Variants in IQSEC1 observed in about 807,000 individuals in gnomAD.
IQSEC1 encodes the protein IQ motif and Sec7 domain ArfGEF 1.
A neutral mutation model predicts 91.0 loss-of-function variants in IQSEC1; 31 were observed. The observed-to-expected ratio is 0.34, with a 90% CI of 0.26 to 0.46. IQSEC1 has a LOEUF of 0.46. Among genes scored for constraint, IQSEC1 ranks in the 20% least tolerant of loss-of-function variants. The probability of loss-of-function intolerance (pLI) is 1.00; values close to 1 mark genes in which losing one functional copy is unlikely to be tolerated. For missense variants in IQSEC1, 1,388 were observed against 1,575.6 expected (o/e 0.88, Z 2.02); for synonymous variants, 699 against 662.6 (o/e 1.05, Z -0.84).
At chr3:13,238,743 C>T (rs1215089805) in intron 1 of IQSEC1, among the ~76,000 whole-genome samples, 1 of 152,150 alleles carries the variant, frequency 6.6e-6, no homozygotes, top group Non-Finnish European at 1.5e-5. Flanking sequence ...GCCTCAGTTT[C>T]CCCATGTCCT....
chr3:12,990,526 A>G (rs1362025838), intron 1 of IQSEC1, among the ~76,000 whole-genome samples: 1 of 152,216 alleles, frequency 6.6e-6, no homozygotes, highest in East Asian at 1.9e-4. Context: ...GACAGCAGGT[A>G]AGGCCCAAGC....
intron 1 of IQSEC1, among the ~76,000 whole-genome samples, chr3:13,060,567 G>A (rs553905916): frequency 9.2e-4 from 140 of 152,354 alleles, no homozygotes; most frequent in African/African-American, 3.1e-3. Context: ...CATGCTGTCT[G>A]GACCTGGGCT....
rs928150248 is a variant in IQSEC1, at chr3:12,909,255, A to T, written c.2578+18T>A. 6.2e-7 allele frequency: 1 copy of T among 1,612,690 alleles called. No homozygotes were observed. The stretch of plus-strand genomic sequence containing the variant: ...TCTGGCAAGTCTCGGCCTTCTGTCC[A>T]TGAGGCCTGGTACTCACACTCTATC... On this transcript the variant is annotated intron_variant, in intron 11 of 13. Coordinates refer to ENST00000613206, the MANE Select transcript of IQSEC1 (RefSeq NM_001134382.3). The surrounding 1 kb of genome is among the most constrained non-coding windows in gnomAD (Gnocchi z 4.9).
chr3:13,149,133 A>C (rs983464594), intron 2 of IQSEC1, among the ~76,000 whole-genome samples: 4 of 152,176 alleles, frequency 2.6e-5, no homozygotes, highest in South Asian at 2.1e-4. Context: ...CAGGGTTAGC[A>C]CTGACAGCTG....
chr3:12,950,297 G>A (rs1699455384), intron 1 of IQSEC1, among the ~76,000 whole-genome samples: 1 of 152,228 alleles, frequency 6.6e-6, no homozygotes, highest in African/African-American at 2.4e-5. Context: ...GTCCCCAAGA[G>A]TTAGCCTGGC....
chr3:13,159,968 G>A (rs1403670150), intron 2 of IQSEC1, among the ~76,000 whole-genome samples: 2 of 152,078 alleles, frequency 1.3e-5, no homozygotes, highest in African/African-American at 4.8e-5. Flanking sequence ...TCACATTTGA[G>A]GGCCTCCAGA....
intron 1 of IQSEC1, among the ~76,000 whole-genome samples, chr3:13,039,635 A>G (rs1295408725): frequency 6.6e-6 from 1 of 152,196 alleles, no homozygotes; most frequent in African/African-American, 2.4e-5. Flanking sequence ...CACAAGGGCC[A>G]TGAGAGGTGA....
At chr3:13,140,766 T>C (rs952985545) in intron 2 of IQSEC1, among the ~76,000 whole-genome samples, 14 of 152,160 alleles carry the variant, frequency 9.2e-5, no homozygotes, top group East Asian at 3.9e-4. Context: ...CTGGGGGTGC[T>C]GTCTCCCCTG....
chr3:13,102,975 G>A (rs946126622), intron 2 of IQSEC1, among the ~76,000 whole-genome samples: 3 of 152,100 alleles, frequency 2.0e-5, no homozygotes, highest in East Asian at 1.9e-4. Context: ...GCTCAGCCCC[G>A]TCAGAGGTGG....
intron 1 of IQSEC1, among the ~76,000 whole-genome samples, chr3:13,049,583 C>T (rs1384410507): frequency 6.6e-6 from 1 of 152,186 alleles, no homozygotes; most frequent in Non-Finnish European, 1.5e-5. Context: ...CCTCCTTATC[C>T]AGACGCAAAC....
intron 2 of IQSEC1, among the ~76,000 whole-genome samples, chr3:13,135,578 C>G (rs2124926542): frequency 6.6e-6 from 1 of 152,244 alleles, no homozygotes; most frequent in East Asian, 1.9e-4. Flanking sequence ...ACAGGGCTCT[C>G]CCAGTTCCAG....
intron 2 of IQSEC1, among the ~76,000 whole-genome samples, chr3:13,162,904 C>G (rs980584517): frequency 2.0e-5 from 3 of 152,116 alleles, no homozygotes; most frequent in East Asian, 3.9e-4. Context: ...GGGCATCCCC[C>G]CCTTATCCCT....
At position 12,900,148 on chromosome 3, in the gene IQSEC1, T is replaced by C; in HGVS notation, c.*835A>G. ...AGCATTATAATACTATTTATGATAG[T>C]ATTCTGTTAATAAAATAAGGATTTA... is the stretch of plus-strand genomic sequence containing the variant. On this transcript the variant is annotated 3_prime_UTR_variant, in exon 14 of 14. Coordinates refer to ENST00000613206, the MANE Select transcript of IQSEC1 (RefSeq NM_001134382.3). 1 of 972,082 alleles carries C rather than the reference T, an allele frequency of 1.0e-6. No homozygotes were observed. 60.2% of individuals were successfully genotyped at this position (972,082 alleles called of 1,614,324 possible).
chr3:13,118,172 A>T (rs1303762476), intron 2 of IQSEC1, among the ~76,000 whole-genome samples: 1 of 152,212 alleles, frequency 6.6e-6, no homozygotes, highest in African/African-American at 2.4e-5. Context: ...TGGTCTGATC[A>T]CCAGGAATTA....
chr3:13,012,926 C>T (rs964487955), intron 1 of IQSEC1, among the ~76,000 whole-genome samples: 6 of 145,380 alleles, frequency 4.1e-5, no homozygotes, highest in East Asian at 2.0e-4. Flanking sequence ...CACATAGCTA[C>T]GAAAGCAGTG....
Position 13,065,016 on chromosome 3 carries a change from T to C in IQSEC1, c.23+7976A>G, listed in dbSNP as rs372319244. 3.6e-4 allele frequency among the ~76,000 whole-genome samples: 55 copies of C among 152,310 alleles called. 2 individuals carry two copies. The South Asian group carries it at 7.9e-3, about 22-fold the overall frequency. ...ATGTGTGGGGGTGTTCATCTTGGAA[T>C]GTTCAGGCCCAGTCCCACCAGCCTC... On this transcript the variant is annotated intron_variant, in intron 1 of 13. Coordinates refer to ENST00000613206, the MANE Select transcript of IQSEC1 (RefSeq NM_001134382.3).
In IQSEC1 at chr3:13,015,463, T is replaced by G. The variant is rs937990200; in HGVS notation, c.23+57529A>C. ...CAGCTCTGAGAAACAGTGAAAACTC[T>G]GACGACAGCCCCCAAGACCCTCACC... On this transcript the variant is annotated intron_variant, in intron 1 of 13. Coordinates refer to ENST00000613206, the MANE Select transcript of IQSEC1 (RefSeq NM_001134382.3). The G allele has an allele frequency of 6.3e-6, 4 of 630,628 alleles. No individual in the cohort carries two copies. The African/African-American group carries it at 8.0e-5, about 13-fold the overall frequency. The allele number at this position is 630,628 out of a possible 1,614,324, so 39.1% of individuals were successfully genotyped here.
chr3:13,259,072 T>A lies in IQSEC1; in HGVS notation c.272+23639A>T, dbSNP rs116833102. Among the ~76,000 whole-genome samples, 1,246 of 152,236 alleles carry A rather than the reference T, an allele frequency of 8.2e-3. 18 individuals are homozygous for A. The highest frequency in any genetic ancestry group is 0.029 in the African/African-American group (1,201 of 41,516). On this transcript the variant is annotated intron_variant, in intron 1 of 15. Coordinates refer to the IQSEC1 transcript ENST00000648114. This position sits in a 1 kb window ranked among gnomAD's most constrained non-coding sequence, Gnocchi z 4.6. The stretch of plus-strand genomic sequence containing the variant: ...CCATGGCCAGAGAGGTCTCTCAACA[T>A]GATAAACTGGACCCTGTCATCCAAG...
At chr3:13,178,444 C>T (rs909588087) in intron 1 of IQSEC1, among the ~76,000 whole-genome samples, 1 of 152,218 alleles carries the variant, frequency 6.6e-6, no homozygotes, top group Admixed American at 6.5e-5. Flanking sequence ...TACAAAGCAC[C>T]ATAGACTAGG....
Sources: allele counts gnomAD v4.1 joint callset (sites outside exome capture counted in the v4.1 genomes callset), GRCh38; gene constraint gnomAD v4.1.1; non-coding constraint Gnocchi (gnomAD v3.1); transcripts MANE v1.5; gene names NCBI Gene and HGNC (gene_info 2026-07-23, HGNC 2026-07-21).